ESPN: variants seen among roughly 807,000 people sequenced by gnomAD.
ESPN encodes espin, also known as autosomal recessive deafness type 36 protein.
ESPN carries 68 observed loss-of-function variants against 77.7 expected under a neutral mutation model. That is an observed-to-expected ratio of 0.87 (90% CI 0.72 to 1.07). The LOEUF (loss-of-function observed/expected upper bound fraction) is 1.07, where lower values mean the gene tolerates loss of function less well. Ranked by LOEUF, ESPN falls within the 50% of genes least tolerant of loss-of-function variation. The pLI, the probability that ESPN is intolerant of heterozygous loss-of-function variation, is 0.00. For missense variants in ESPN, 1,060 were observed against 1,239.0 expected, an observed-to-expected ratio of 0.86 and a Z score of 2.17; for synonymous variants, 449 against 567.1, an observed-to-expected ratio of 0.79 and a Z score of 2.96.
At chr1:6,432,162 G>A (rs888081459) in intron 2 of ESPN, among the ~76,000 whole-genome samples, 1 of 152,174 alleles carries the variant, frequency 6.6e-6, no homozygotes, top group African/African-American at 2.4e-5. Flanking sequence ...CCCCACCTGG[G>A]ACAGAAAGGG....
rs1643956461 is a variant in ESPN at position 6,452,081 on chromosome 1, G to A, written c.2310G>A (p.Glu770=). The A allele has an allele frequency of 1.9e-6, 3 of 1,551,122 alleles. No homozygotes were observed. The highest frequency in any genetic ancestry group is 2.4e-5 in the South Asian group (2 of 84,658). The stretch of plus-strand genomic sequence containing the variant: ...TGCAGCTGAAGATGCAGGAGGAGGA[G>A]GAGCAGAGGCGGAAGGTGGGTGGGG... ...RKMQLKMQEE[E]EQRRKEEEEE... Residue 770 remains glutamate, a synonymous_variant, in exon 10 of 13, where the codon GAG becomes GAA. Coordinates refer to ENST00000645284, the MANE Select transcript of ESPN (RefSeq NM_031475.3).
chr1:6,445,652 C>T lies in ESPN; in HGVS notation c.1193-12C>T. 6.2e-7 allele frequency: 1 copy of T among 1,611,396 alleles called. No homozygotes were observed. The highest frequency in any genetic ancestry group is 8.5e-7 in the Non-Finnish European group (1 of 1,179,318). ...ATGCTCCCAAATCTGGCCCTTCCTT[C>T]TGCCTCCCCAGGGCTTTCCAGCGCT... On this transcript the variant is annotated splice_polypyrimidine_tract_variant and intron_variant, in intron 6 of 12. Coordinates refer to ENST00000645284, the MANE Select transcript of ESPN (RefSeq NM_031475.3).
rs1267778352 is a variant in ESPN at position 6,440,301 on chromosome 1, C to A, written c.536C>A (p.Ala179Glu). ...TKNGATPLYLACQEGHLEVTQ... is the reference protein window; with the variant it reads ...TKNGATPLYLECQEGHLEVTQ... ...AACGGTGCCACGCCCCTGTACCTGG[C>A]GTGCCAGGAGGGCCACCTGGAGGTG... Residue 179 changes from alanine to glutamate, a missense_variant, in exon 3 of 13, where the codon GCG (alanine) becomes GAG (glutamate). Transcript: ENST00000645284. The A allele has an allele frequency of 7.7e-6, 12 of 1,555,590 alleles. No homozygotes were observed. The highest frequency in any genetic ancestry group is 1.0e-5 in the Non-Finnish European group (12 of 1,149,930).
Position 6,448,812 on chromosome 1 carries a change from C to G in ESPN, c.1636C>G (p.Arg546Gly), listed in dbSNP as rs138198721. The part of the protein sequence containing the change: ...GMAHSEEVRA[R>G]QPARAGCPRL... ...GGCGCACAGCGAGGAGGTGCGTGCCCGCCAGCCCGCGCGCGCCGGCTGCCC... is the reference window on the plus strand; with the variant it reads ...GGCGCACAGCGAGGAGGTGCGTGCCGGCCAGCCCGCGCGCGCCGGCTGCCC... The change falls in exon 8 of 13, where the codon CGC (arginine) becomes GGC (glycine). Residue 546 changes from arginine to glycine, a missense_variant. Transcript: ENST00000645284. The G allele has an allele frequency of 8.0e-7, 1 of 1,251,956 alleles. No homozygotes were observed. The highest frequency in any genetic ancestry group is 1.0e-6 in the Non-Finnish European group (1 of 1,003,056). 77.6% of individuals were successfully genotyped at this position (1,251,956 alleles called of 1,614,324 possible).
chr1:6,430,511 T>C (rs527387136), intron 2 of ESPN, among the ~76,000 whole-genome samples: 1 of 152,206 alleles, frequency 6.6e-6, no homozygotes, highest in East Asian at 1.9e-4. Flanking sequence ...GTCCCGTTCA[T>C]GGGGCCAAGT....
At chr1:6,435,002 GGAGGCTGGGA>G (rs1643382687) in intron 2 of ESPN, among the ~76,000 whole-genome samples, 1 of 152,118 alleles carries the variant, frequency 6.6e-6, no homozygotes, top group South Asian at 2.1e-4. Context: ...GGAAGACCTG[GGAGGCTGGGA>G]GAGTTGCAGG....
chr1:6,455,654 C>A (rs369862900), intron 10 of ESPN: 20 of 399,274 alleles, frequency 5.0e-5, no homozygotes, highest in African/African-American at 3.7e-4. Context: ...TCTTCATGCT[C>A]GGCTACTTCC....
intron 2 of ESPN, among the ~76,000 whole-genome samples, chr1:6,433,124 AAAAAAAG>A (rs1400554742): frequency 1.5e-5 from 2 of 133,258 alleles, no homozygotes; most frequent in South Asian, 2.4e-4. Flanking sequence ...TCCATCTCAA[AAAAAAAG>A]AAAAAAGAAA....
downstream of ESPN, chr1:6,461,110 T>A (rs3138157): frequency 0.029 from 16,699 of 568,630 alleles, 326 homozygotes; most frequent in Non-Finnish European, 0.037. This position sits in a 1 kb window ranked among gnomAD's most constrained non-coding sequence, Gnocchi z 6.3. Flanking sequence ...AAAAGTCCAG[T>A]CCACTTAACA....
chr1:6,447,795 T>TC lies in ESPN; in HGVS notation c.1465-842dup, dbSNP rs1274410462. On this transcript the variant is annotated intron_variant, in intron 7 of 12. Transcript: ENST00000645284. This position sits in a 1 kb window ranked among gnomAD's most constrained non-coding sequence, Gnocchi z 5.2. ...CCTCCTCTGCCCACAGTCAGCCCTC[T>TC]CCCCTCTCGGGCGGGGATGAAGGTG... 6.6e-6 allele frequency among the ~76,000 whole-genome samples: 1 copy of TC among 151,514 alleles called. No individual in the cohort carries two copies. Among genetic ancestry groups the TC allele is most frequent in the Non-Finnish European group, 1.5e-5 (1 of 67,880 alleles).
Position 6,440,321 on chromosome 1 carries a change from G to T in ESPN, c.556G>T (p.Glu186Ter). 6.4e-7 allele frequency: 1 copy of T among 1,569,546 alleles called. No homozygotes were observed. Among genetic ancestry groups the T allele is most frequent in the Non-Finnish European group, 8.6e-7 (1 of 1,157,476 alleles). The change falls in exon 3 of 13, where the codon GAG becomes TAG. Residue 186 changes from glutamate to a stop codon, truncating the protein, a stop_gained. Coordinates refer to ENST00000645284, the MANE Select transcript of ESPN (RefSeq NM_031475.3). LOFTEE classifies it high-confidence loss of function. ...CCTGGCGTGCCAGGAGGGCCACCTG[G>T]AGGTGACCCAGTACCTGGTGCAGGA... ...LYLACQEGHL[E>*]VTQYLVQECG... is the part of the protein sequence containing the mutation.
chr1:6,455,212 C>A, intron 10 of ESPN: 1 of 389,222 alleles, frequency 2.6e-6, no homozygotes. Context: ...GAGCAGCTGG[C>A]GCGCCGGCCG....
intron 4 of ESPN, 31 bp from the exon 5 acceptor site, chr1:6,440,903 G>A: frequency 3.9e-6 from 6 of 1,544,666 alleles, no homozygotes; most frequent in Admixed American, 2.0e-5. Flanking sequence ...GCTCGCGGCC[G>A]CGGCCGGGTC....
At chr1:6,461,175 C>T (rs1301781455), downstream of ESPN, 3 of 701,338 alleles carry the variant, frequency 4.3e-6, no homozygotes, top group Non-Finnish European at 8.0e-6. The surrounding 1 kb of genome is among the most constrained non-coding windows in gnomAD (Gnocchi z 6.3). Context: ...TGTTTTCTTT[C>T]ACAGATTTAA....
chr1:6,460,894 G>A lies in ESPN; in HGVS notation c.*748G>A, dbSNP rs1325954454. On this transcript the variant is annotated 3_prime_UTR_variant, in exon 13 of 13. Coordinates refer to ENST00000645284, the MANE Select transcript of ESPN (RefSeq NM_031475.3). ...TGCACCCCATCCCGACCCTGTCTCC[G>A]CCACCTCGCAGCCCCATTAAAGCGC... 3 of 330,462 alleles carry A rather than the reference G, an allele frequency of 9.1e-6. No homozygotes were observed. The highest frequency in any genetic ancestry group is 4.4e-5 in the African/African-American group (2 of 45,328). 20.5% of individuals were successfully genotyped at this position (330,462 alleles called of 1,614,324 possible).
chr1:6,454,702 G>A (rs1000935631), intron 10 of ESPN: 2 of 398,446 alleles, frequency 5.0e-6, no homozygotes, highest in Non-Finnish European at 8.9e-6. Context: ...CGAATGCATG[G>A]CCGCGCCGCC....
chr1:6,451,302 T>C lies in ESPN; in HGVS notation c.1916-301T>C, dbSNP rs1643938905. 1 of 482,466 alleles carries C rather than the reference T, an allele frequency of 2.1e-6. No individual in the cohort carries two copies. Among genetic ancestry groups the C allele is most frequent in the Admixed American group, 3.3e-5 (1 of 29,980 alleles). The allele number at this position is 482,466 out of a possible 1,614,324, so 29.9% of individuals were successfully genotyped here. ...GTTTTGGAGCTGGGCAGTCAGTGGC[T>C]GGGCGGGGACATATGCCCAAGAGCC... On this transcript the variant is annotated intron_variant, in intron 8 of 12. Coordinates refer to ENST00000645284, the MANE Select transcript of ESPN (RefSeq NM_031475.3). The surrounding 1 kb of genome is among the most constrained non-coding windows in gnomAD (Gnocchi z 4.3).
At chr1:6,445,634 C>A (rs778158200) in intron 6 of ESPN, 30 bp from the exon 7 acceptor site, 1 of 1,608,096 alleles carries the variant, frequency 6.2e-7, no homozygotes. Context: ...TGCATGCTCC[C>A]AAATCTGGCC....
intron 2 of ESPN, among the ~76,000 whole-genome samples, chr1:6,438,973 G>A (rs1194180157): frequency 3.9e-5 from 6 of 152,200 alleles, no homozygotes; most frequent in African/African-American, 7.2e-5. Context: ...TTAGCCAGGC[G>A]TGGTGGCACA....
Sources: gnomAD v4.1 joint callset for allele counts (sites outside exome capture counted in the v4.1 genomes callset) on GRCh38, gnomAD v4.1.1 for gene constraint, Gnocchi (gnomAD v3.1) non-coding constraint, MANE v1.5 for transcripts, NCBI Gene and HGNC (gene_info 2026-07-23, HGNC 2026-07-21) for gene names.